The following C12orf42 variants were observed in gnomAD, a reference collection of about 807,000 sequenced individuals.
C12orf42 encodes the protein chromosome 12 open reading frame 42.
Under a neutral mutation model 21.6 loss-of-function variants are expected in C12orf42, and 25 were observed. The observed-to-expected ratio is 1.16, with a 90% CI of 0.84 to 1.62. C12orf42 has a LOEUF of 1.62. Ranked by LOEUF, C12orf42 falls within the 40% of genes most tolerant of loss-of-function variation. The pLI, the probability that C12orf42 is intolerant of heterozygous loss-of-function variation, is 0.00. For missense variants in C12orf42, 483 were observed against 459.3 expected (o/e 1.05, Z -0.47); for synonymous variants, 174 against 175.0 (o/e 0.99, Z 0.05).
In C12orf42 at chr12:103,280,742, C is replaced by T. The variant is rs138187054; in HGVS notation, n.338-3532G>A. Among the ~76,000 whole-genome samples the T allele has an allele frequency of 2.8e-4, 42 of 152,310 alleles. No homozygotes were observed. In the East Asian group the frequency reaches 6.7e-3, roughly 24 times the overall value. ...AGTGTTTTGCTCTGAGCAGCCAGCA[C>T]GGTGCTAAGAACTTTACCAAGGTTT... On this transcript the variant is annotated intron_variant and non_coding_transcript_variant, in intron 4 of 6. Coordinates refer to the C12orf42 transcript ENST00000546526.
chr12:103,484,974 A>T (rs530332464), intron 1 of C12orf42, among the ~76,000 whole-genome samples: 1 of 142,292 alleles, frequency 7.0e-6, no homozygotes, highest in South Asian at 2.2e-4. Context: ...GGTTCATGCC[A>T]TTCTCCTGCC....
the C12orf42 span, among the ~76,000 whole-genome samples, chr12:103,230,019 T>C: frequency 1.3e-5 from 2 of 152,256 alleles, no homozygotes; most frequent in Non-Finnish European, 2.9e-5. Flanking sequence ...ATTGAACATA[T>C]ATTACTGGTC....
the C12orf42 span, among the ~76,000 whole-genome samples, chr12:103,167,503 C>T: frequency 6.6e-6 from 1 of 152,104 alleles, no homozygotes; most frequent in Non-Finnish European, 1.5e-5. Context: ...ACTGAAGCCC[C>T]GATGAATTCC....
chr12:103,325,409 T>C (rs1436063831), intron 4 of C12orf42, among the ~76,000 whole-genome samples: 1 of 152,224 alleles, frequency 6.6e-6, no homozygotes, highest in Admixed American at 6.5e-5. Context: ...TCAAAGTGCA[T>C]GTGCCTGCCC....
the C12orf42 span, chr12:103,559,180 A>G: frequency 1.3e-5 from 2 of 152,226 alleles, no homozygotes; most frequent in African/African-American, 4.8e-5. Context: ...TTGCTCTAGG[A>G]GGTTGAAGTC....
At chr12:103,368,789 C>G (rs2044874476) in intron 4 of C12orf42, 98 bp downstream of exon 4, 4 of 639,740 alleles carry the variant, frequency 6.3e-6, no homozygotes, top group African/African-American at 1.9e-5. Context: ...AAACATAGCA[C>G]AACTGTTCTT....
At chr12:103,462,884 C>G (rs1952834312) in intron 2 of C12orf42, among the ~76,000 whole-genome samples, 1 of 152,162 alleles carries the variant, frequency 6.6e-6, no homozygotes, top group African/African-American at 2.4e-5. Context: ...TGGGCAGCAT[C>G]CTGGACAAGA....
At chr12:103,554,240 A>T in the C12orf42 span, among the ~76,000 whole-genome samples, 1 of 152,126 alleles carries the variant, frequency 6.6e-6, no homozygotes, top group Non-Finnish European at 1.5e-5. Context: ...CCTACCCCAG[A>T]TATAAATGAC....
the C12orf42 span, among the ~76,000 whole-genome samples, chr12:103,190,893 A>C: frequency 6.6e-6 from 1 of 152,124 alleles, no homozygotes; most frequent in African/African-American, 2.4e-5. Flanking sequence ...GAAAATAAAC[A>C]TCCAAATTCA....
chr12:103,437,275 T>C (rs1262950602), intron 2 of C12orf42, among the ~76,000 whole-genome samples: 1 of 152,212 alleles, frequency 6.6e-6, no homozygotes, highest in Non-Finnish European at 1.5e-5. Context: ...GGGAAATTTA[T>C]AGCACTAAAT....
At chr12:103,162,031 C>T in the C12orf42 span, among the ~76,000 whole-genome samples, 13 of 152,180 alleles carry the variant, frequency 8.5e-5, no homozygotes, top group Non-Finnish European at 1.5e-4. Flanking sequence ...CCCCAGCCCC[C>T]CTTCCCTTTT....
At chr12:103,490,637 A>T (rs796946561) in intron 1 of C12orf42, among the ~76,000 whole-genome samples, 4 of 152,172 alleles carry the variant, frequency 2.6e-5, no homozygotes, top group African/African-American at 9.6e-5. Context: ...ATCCAAAAGA[A>T]TAATGGCAAT....
At chr12:103,526,986 C>T in the C12orf42 span, among the ~76,000 whole-genome samples, 1 of 152,224 alleles carries the variant, frequency 6.6e-6, no homozygotes, top group East Asian at 1.9e-4. Flanking sequence ...CTGTATTTGG[C>T]GTTAGTGGTT....
chr12:103,406,734 G>A (rs1343700376), intron 2 of C12orf42, among the ~76,000 whole-genome samples: 1 of 152,174 alleles, frequency 6.6e-6, no homozygotes, highest in East Asian at 1.9e-4. Context: ...AAGGTACCAG[G>A]GGAGCTCCTC....
At chr12:103,486,585 G>A (rs751098121) in intron 1 of C12orf42, among the ~76,000 whole-genome samples, 25 of 152,064 alleles carry the variant, frequency 1.6e-4, no homozygotes, top group Non-Finnish European at 2.8e-4. Context: ...GAATCCATCC[G>A]GTCCTGCACT....
chr12:103,318,185 A>T (rs2039712192), intron 4 of C12orf42, among the ~76,000 whole-genome samples: 2 of 152,106 alleles, frequency 1.3e-5, no homozygotes, highest in African/African-American at 4.8e-5. Context: ...GCTACTCCAG[A>T]GGTTGAGGTA....
chr12:103,469,077 G>C (rs911544756), intron 2 of C12orf42, among the ~76,000 whole-genome samples: 2 of 152,122 alleles, frequency 1.3e-5, no homozygotes, highest in African/African-American at 4.8e-5. Flanking sequence ...CTGACCTCCT[G>C]GCTGACTCCC....
At chr12:103,278,472 G>T (rs1405712559) in intron 4 of C12orf42, among the ~76,000 whole-genome samples, 8 of 152,242 alleles carry the variant, frequency 5.3e-5, no homozygotes, top group African/African-American at 1.9e-4. Context: ...ATGGAAAGGA[G>T]ATGCTGGGAG....
chr12:103,227,337 TG>T, the C12orf42 span, among the ~76,000 whole-genome samples: 5 of 145,450 alleles, frequency 3.4e-5, no homozygotes, highest in Non-Finnish European at 7.5e-5. Context: ...AATAAGGGAT[TG>T]GGGTGCAGAG....
Sources: gnomAD v4.1 joint callset for allele counts (sites outside exome capture counted in the v4.1 genomes callset) on GRCh38, gnomAD v4.1.1 for gene constraint, MANE v1.5 for transcripts, NCBI Gene and HGNC (gene_info 2026-07-23, HGNC 2026-07-21) for gene names.